The following DGKB variants were observed in gnomAD, a reference collection of about 807,000 sequenced individuals.
DGKB encodes 90 kDa diacylglycerol kinase.
A neutral mutation model predicts 114.3 loss-of-function variants in DGKB; 67 were observed. The ratio of observed to expected loss-of-function variants is 0.59; its 90% CI spans 0.48 to 0.72. The LOEUF (loss-of-function observed/expected upper bound fraction) is 0.72. Ranked by LOEUF, DGKB falls within the 30% of genes least tolerant of loss-of-function variation. The pLI, the probability that DGKB is intolerant of heterozygous loss-of-function variation, is 0.00. For missense variants in DGKB, 907 were observed against 975.2 expected, an observed-to-expected ratio of 0.93 and a Z score of 0.93; for synonymous variants, 398 against 323.1, an observed-to-expected ratio of 1.23 and a Z score of -2.49.
chr7:14,303,265 G>T (rs531961789), intron 23 of DGKB, among the ~76,000 whole-genome samples: 1 of 151,994 alleles, frequency 6.6e-6, no homozygotes, highest in African/African-American at 2.4e-5. Context: ...AAGTTATTGC[G>T]TTTCATTTTT....
intron 2 of DGKB, among the ~76,000 whole-genome samples, chr7:14,830,622 C>T (rs2128121516): frequency 6.6e-6 from 1 of 152,076 alleles, no homozygotes; most frequent in Admixed American, 6.6e-5. Context: ...AGAAACTAAC[C>T]TGAAAAATAT....
Position 14,552,720 on chromosome 7 carries a change from G to A in DGKB, c.1770+21492C>T, listed in dbSNP as rs187382969. Among the ~76,000 whole-genome samples, 365 of 152,302 alleles carry A rather than the reference G, an allele frequency of 2.4e-3. 6 individuals carry two copies. The highest frequency in any genetic ancestry group is 8.4e-3 in the African/African-American group (350 of 41,560). On this transcript the variant is annotated intron_variant, in intron 20 of 25. Coordinates refer to ENST00000402815, the MANE Select transcript of DGKB (RefSeq NM_001350709.2). The stretch of plus-strand genomic sequence containing the variant: ...TTTTAGCACATTAAGTAAGGAATCT[G>A]TTTTCCTTTCTCTCCACTAGGAAAA...
chr7:14,811,521 C>A (rs922949763), intron 2 of DGKB, among the ~76,000 whole-genome samples: 2 of 152,006 alleles, frequency 1.3e-5, no homozygotes, highest in East Asian at 3.9e-4. Flanking sequence ...ATTATTCAAA[C>A]GTGAAATTAT....
intron 21 of DGKB, among the ~76,000 whole-genome samples, chr7:14,398,734 T>C (rs1822629267): frequency 6.6e-6 from 1 of 151,848 alleles, no homozygotes; most frequent in African/African-American, 2.4e-5. Context: ...TTGGCATTTG[T>C]TATCTGGAGT....
rs554440932 is a variant in DGKB, at chr7:14,931,031, C to A, written c.-188+43665G>T. ...TTTATTAATTTGTATATATGTTAAA[C>A]CATCTTGCATCACTGGTATTAAACC... On this transcript the variant is annotated intron_variant, in intron 1 of 4. Coordinates refer to the DGKB transcript ENST00000437998. Among the ~76,000 whole-genome samples the A allele has an allele frequency of 1.5e-3, 222 of 151,746 alleles. 2 individuals carry two copies. Among genetic ancestry groups the A allele is most frequent in the African/African-American group, 5.3e-3 (219 of 41,414 alleles).
At chr7:14,245,161 T>TAC (rs1403566745) in intron 23 of DGKB, among the ~76,000 whole-genome samples, 2 of 150,870 alleles carry the variant, frequency 1.3e-5, no homozygotes, top group African/African-American at 5.0e-5. Flanking sequence ...TGTGCATATG[T>TAC]ACACATACAC....
intron 2 of DGKB, among the ~76,000 whole-genome samples, chr7:14,778,383 A>G (rs11982632): frequency 0.18 from 27,683 of 152,058 alleles, 3,914 homozygotes; most frequent in African/African-American, 0.4. Flanking sequence ...CCTAGTGCAT[A>G]AACTAACTTG....
At chr7:14,687,723 G>A (rs987223312) in intron 9 of DGKB, among the ~76,000 whole-genome samples, 4 of 152,070 alleles carry the variant, frequency 2.6e-5, no homozygotes, top group Non-Finnish European at 5.9e-5. Flanking sequence ...GCTAATTTTC[G>A]TATATATTAC....
At chr7:14,507,893 G>A (rs1389289082) in intron 20 of DGKB, among the ~76,000 whole-genome samples, 2 of 152,114 alleles carry the variant, frequency 1.3e-5, no homozygotes, top group Non-Finnish European at 2.9e-5. Context: ...TCCATCCTAA[G>A]CTTATAGTAC....
At chr7:14,191,720 G>C in intron 23 of DGKB, 1 of 342,160 alleles carries the variant, frequency 2.9e-6, no homozygotes, top group South Asian at 2.7e-5. Flanking sequence ...GCACGTCAAA[G>C]ATGTTCACTG....
intron 21 of DGKB, among the ~76,000 whole-genome samples, chr7:14,444,346 G>GT (rs538755501): frequency 2.4e-4 from 36 of 151,594 alleles, no homozygotes; most frequent in Non-Finnish European, 4.6e-4. Context: ...GTATATATGA[G>GT]TTTTTTTCTT....
In DGKB at chr7:14,853,589, G is replaced by T. The variant is rs547027785; in HGVS notation, c.-187-12139C>A. Among the ~76,000 whole-genome samples, 26 of 151,756 alleles carry T rather than the reference G, an allele frequency of 1.7e-4. No individual in the cohort carries two copies. The South Asian group carries it at 5.0e-3, about 29-fold the overall frequency. ...ATTATTCTTTAAAATTTATCAGGCCGGTCACAGTGGCTCACGCCTGTAATT... is the reference window on the plus strand; with the variant it reads ...ATTATTCTTTAAAATTTATCAGGCCTGTCACAGTGGCTCACGCCTGTAATT... On this transcript the variant is annotated intron_variant, in intron 1 of 25. Transcript: ENST00000402815.
chr7:14,917,751 CA>C (rs903003512), intron 1 of DGKB, among the ~76,000 whole-genome samples: 10 of 151,768 alleles, frequency 6.6e-5, no homozygotes, highest in Non-Finnish European at 2.9e-5. Context: ...GCAGAAAGAC[CA>C]CTTCCCAACT....
At chr7:14,243,230 T>C (rs1482635208) in intron 23 of DGKB, among the ~76,000 whole-genome samples, 1 of 152,182 alleles carries the variant, frequency 6.6e-6, no homozygotes, top group Non-Finnish European at 1.5e-5. Context: ...GCCAAAACTA[T>C]GCCCAATGCC....
At chr7:14,922,024 T>C (rs1053819558) in intron 1 of DGKB, among the ~76,000 whole-genome samples, 3 of 152,192 alleles carry the variant, frequency 2.0e-5, no homozygotes, top group Non-Finnish European at 2.9e-5. Flanking sequence ...CTACAATAAG[T>C]GCATTTTTCA....
At chr7:14,946,016 G>A (rs1785854045) in intron 1 of DGKB, among the ~76,000 whole-genome samples, 1 of 151,392 alleles carries the variant, frequency 6.6e-6, no homozygotes, top group Admixed American at 6.6e-5. Context: ...CCTTTCAGAT[G>A]TCTCAAAATG....
At chr7:14,324,951 C>A (rs1808464666) in intron 23 of DGKB, among the ~76,000 whole-genome samples, 1 of 152,122 alleles carries the variant, frequency 6.6e-6, no homozygotes, top group Non-Finnish European at 1.5e-5. Context: ...GTTAAAGTGC[C>A]ATAAATCTTG....
At chr7:14,804,658 A>G (rs1842583529) in intron 2 of DGKB, among the ~76,000 whole-genome samples, 1 of 151,978 alleles carries the variant, frequency 6.6e-6, no homozygotes. Flanking sequence ...TATTTTGCCT[A>G]TTTTCAAACT....
At chr7:14,951,768 G>T (rs949317452) in intron 1 of DGKB, among the ~76,000 whole-genome samples, 1 of 151,752 alleles carries the variant, frequency 6.6e-6, no homozygotes, top group Admixed American at 6.6e-5. Context: ...ATTGAGGGGG[G>T]TATATAGAAC....
Sources: gnomAD v4.1 joint callset for allele counts (sites outside exome capture counted in the v4.1 genomes callset) on GRCh38, gnomAD v4.1.1 for gene constraint, MANE v1.5 for transcripts, NCBI Gene and HGNC (gene_info 2026-07-23, HGNC 2026-07-21) for gene names.